Variants in CWH43 observed in about 807,000 individuals in gnomAD.
CWH43 encodes cell wall biogenesis 43 C-terminal homolog, also known as PGAP2-interacting protein.
A neutral mutation model predicts 85.7 loss-of-function variants in CWH43; 91 were observed. That is an observed-to-expected ratio of 1.06 (90% CI 0.90 to 1.26). The LOEUF is 1.26. Among genes scored for constraint, CWH43 ranks in the 50% most tolerant of loss-of-function variants. The pLI is 0.00. For synonymous variants in CWH43, 323 were observed against 293.6 expected (o/e 1.10, Z -1.02); for missense variants, 869 against 839.2 (o/e 1.04, Z -0.44).
At chr4:49,042,091 C>G (rs1228176435) in intron 13 of CWH43, among the ~76,000 whole-genome samples, 1 of 152,188 alleles carries the variant, frequency 6.6e-6, no homozygotes. Context: ...GCTCATGAAT[C>G]TGGACTTCAG....
chr4:48,990,142 G>A (rs927803921), intron 2 of CWH43, among the ~76,000 whole-genome samples: 1 of 152,198 alleles, frequency 6.6e-6, no homozygotes, highest in Non-Finnish European at 1.5e-5. Context: ...AACTTCTGGT[G>A]ATGGTAAGGG....
Position 49,050,686 on chromosome 4 carries a change from T to C in CWH43, c.1866-8T>C. Reference sequence around the variant, plus strand: ...AACTGTTACAAACCATTTCTGTTTCTGCTACAGGTTGGGTTATGCAAGAAT... The same window carrying C: ...AACTGTTACAAACCATTTCTGTTTCCGCTACAGGTTGGGTTATGCAAGAAT... On this transcript the variant is annotated splice_polypyrimidine_tract_variant and splice_region_variant and intron_variant, in intron 14 of 15. Transcript: ENST00000226432. The C allele has an allele frequency of 6.2e-7, 1 of 1,604,384 alleles. No individual in the cohort carries two copies.
chr4:49,002,831 G>A lies in CWH43; in HGVS notation c.803-904G>A, dbSNP rs116013303. Among the ~76,000 whole-genome samples the A allele has an allele frequency of 2.8e-3, 431 of 152,214 alleles. 1 individual carries two copies. Among genetic ancestry groups the A allele is most frequent in the African/African-American group, 9.9e-3 (412 of 41,532 alleles). On this transcript the variant is annotated intron_variant, in intron 6 of 15. Coordinates refer to ENST00000226432, the MANE Select transcript of CWH43 (RefSeq NM_025087.3). ...GTATTGATGAACTTATTGAGCTATG[G>A]GGCATTAAGATGCTGACTGGGGCCA...
intron 13 of CWH43, among the ~76,000 whole-genome samples, chr4:49,038,937 A>G (rs895872479): frequency 6.6e-6 from 1 of 151,808 alleles, no homozygotes; most frequent in African/African-American, 2.4e-5. Flanking sequence ...AGGTGCCTGT[A>G]GTCCCAGCTA....
chr4:49,039,330 T>C (rs992005929), intron 13 of CWH43, among the ~76,000 whole-genome samples: 2 of 82,794 alleles, frequency 2.4e-5, no homozygotes, highest in Non-Finnish European at 4.9e-5. Flanking sequence ...TATATATATA[T>C]ATACTGATGT....
At chr4:49,027,143 G>C (rs1783941256) in intron 9 of CWH43, among the ~76,000 whole-genome samples, 1 of 152,230 alleles carries the variant, frequency 6.6e-6, no homozygotes, top group Non-Finnish European at 1.5e-5. Context: ...GATAAGTTCT[G>C]AGGCTTCTTC....
At chr4:49,024,540 C>T (rs1783844185) in intron 9 of CWH43, among the ~76,000 whole-genome samples, 1 of 152,048 alleles carries the variant, frequency 6.6e-6, no homozygotes, top group Non-Finnish European at 1.5e-5. Flanking sequence ...GTAGTGCTGG[C>T]TTGGTAGTGG....
intron 15 of CWH43, among the ~76,000 whole-genome samples, chr4:49,054,808 G>GT (rs1784901470): frequency 6.6e-6 from 1 of 151,762 alleles, no homozygotes; most frequent in Non-Finnish European, 1.5e-5. Context: ...TAGTTCATTG[G>GT]TAGTACATAG....
intron 13 of CWH43, among the ~76,000 whole-genome samples, chr4:49,040,546 G>T (rs1784426250): frequency 6.6e-6 from 1 of 152,152 alleles, no homozygotes; most frequent in Non-Finnish European, 1.5e-5. Context: ...GTCTTCTTTT[G>T]AGAAGTGTCT....
In CWH43 at chr4:49,026,096, C is replaced by T. The variant is rs553854607; in HGVS notation, c.1267-2533C>T. ...GTTTCCAGGAGAATTATTGCTGCCT[C>T]TGCTGTCTCACACAGGTTTCCAGAG... is the stretch of plus-strand genomic sequence containing the variant. On this transcript the variant is annotated intron_variant, in intron 9 of 15. Transcript: ENST00000226432. Among the ~76,000 whole-genome samples the T allele has an allele frequency of 3.9e-5, 6 of 152,298 alleles. No individual in the cohort carries two copies. In the South Asian group the frequency reaches 1.2e-3, roughly 32 times the overall value.
At chr4:49,027,419 A>G (rs1020303998) in intron 9 of CWH43, among the ~76,000 whole-genome samples, 10 of 152,178 alleles carry the variant, frequency 6.6e-5, no homozygotes, top group Non-Finnish European at 1.2e-4. Flanking sequence ...TTAATTACAG[A>G]TGAATAGTTG....
At chr4:49,033,799 A>G (rs763038672) in intron 12 of CWH43, among the ~76,000 whole-genome samples, 6 of 152,228 alleles carry the variant, frequency 3.9e-5, no homozygotes, top group Non-Finnish European at 8.8e-5. Flanking sequence ...AATAATTTAA[A>G]CATGAATATA....
rs1201288607 is a variant in CWH43 at position 49,012,788 on chromosome 4, T to C, written c.1187-4461T>C. Among the ~76,000 whole-genome samples the C allele has an allele frequency of 3.3e-5, 5 of 152,326 alleles. No homozygotes were observed. In the East Asian group the frequency reaches 9.6e-4, roughly 29 times the overall value. On this transcript the variant is annotated intron_variant, in intron 8 of 15. Transcript: ENST00000226432. Reference sequence around the variant, plus strand: ...GGTCCACTCCAGACGTTTGCCTGGGTATCACCAGTGGAGGCTGCAGAATAG... The same window carrying C: ...GGTCCACTCCAGACGTTTGCCTGGGCATCACCAGTGGAGGCTGCAGAATAG...
At chr4:49,028,493 A>C (rs1284488119) in intron 9 of CWH43, 136 bp from the exon 10 acceptor site, 1 of 594,890 alleles carries the variant, frequency 1.7e-6, no homozygotes, top group African/African-American at 1.9e-5. Context: ...ATTTTCATGG[A>C]TTAAATGTGG....
intron 1 of CWH43, among the ~76,000 whole-genome samples, chr4:48,988,169 G>GTA (rs1285102763): frequency 6.6e-6 from 1 of 152,146 alleles, no homozygotes; most frequent in East Asian, 1.9e-4. Context: ...TCACTTCTGG[G>GTA]TATATATCCT....
chr4:49,029,210 G>T (rs1292291905), intron 10 of CWH43, among the ~76,000 whole-genome samples: 1 of 152,202 alleles, frequency 6.6e-6, no homozygotes, highest in Non-Finnish European at 1.5e-5. Context: ...GCCTTGAGAT[G>T]CTGTTAATCT....
intron 15 of CWH43, among the ~76,000 whole-genome samples, chr4:49,051,675 A>G (rs1217231587): frequency 6.6e-6 from 1 of 152,036 alleles, no homozygotes; most frequent in African/African-American, 2.4e-5. Flanking sequence ...CTCCTGGGTT[A>G]AAGCAATTCT....
intron 8 of CWH43, 65 bp from the exon 9 acceptor site, chr4:49,017,184 T>A (rs1487059369): frequency 7.2e-7 from 1 of 1,386,468 alleles, no homozygotes; most frequent in Non-Finnish European, 1.0e-6. Context: ...TGAAGGTCAG[T>A]GTCAGCAAAT....
rs140077460 is a variant in CWH43 at position 48,992,494 on chromosome 4, C to T, written c.511+404C>T. 1.9e-3 allele frequency among the ~76,000 whole-genome samples: 291 copies of T among 152,292 alleles called. 1 individual carries two copies. Among genetic ancestry groups the T allele is most frequent in the African/African-American group, 6.7e-3 (278 of 41,558 alleles). ...GTAACACTAAGGAAAGTTTCTGTCA[C>T]GTATGGCTGTCACTGGAACTCCCTG... On this transcript the variant is annotated intron_variant, in intron 4 of 15. Coordinates refer to ENST00000226432, the MANE Select transcript of CWH43 (RefSeq NM_025087.3). The surrounding 1 kb of genome is among the most constrained non-coding windows in gnomAD (Gnocchi z 4.3).
Sources: allele counts gnomAD v4.1 joint callset (sites outside exome capture counted in the v4.1 genomes callset), GRCh38; gene constraint gnomAD v4.1.1; non-coding constraint Gnocchi (gnomAD v3.1); transcripts MANE v1.5; gene names NCBI Gene and HGNC (gene_info 2026-07-23, HGNC 2026-07-21).